The following CDH19 variants were observed in gnomAD, a reference collection of about 807,000 sequenced individuals.
CDH19 encodes the protein cadherin-19.
Under a neutral mutation model 64.2 loss-of-function variants are expected in CDH19, and 67 were observed. The ratio of observed to expected loss-of-function variants is 1.04; its 90% CI spans 0.86 to 1.28. CDH19 has a LOEUF of 1.28. Among genes scored for constraint, CDH19 ranks in the 50% most tolerant of loss-of-function variants. The probability of loss-of-function intolerance (pLI) is 0.00; values close to 1 mark genes in which losing one functional copy is unlikely to be tolerated. For synonymous variants in CDH19, 346 were observed against 319.3 expected (o/e 1.08, Z -0.89); for missense variants, 1,030 against 929.0 (o/e 1.11, Z -1.41).
intron 8 of CDH19, among the ~76,000 whole-genome samples, chr18:66,534,568 T>C (rs952628750): frequency 2.0e-5 from 3 of 152,016 alleles, no homozygotes; most frequent in Non-Finnish European, 4.4e-5. Context: ...ATATTTTATA[T>C]TGTGTTATAT....
intron 1 of CDH19, among the ~76,000 whole-genome samples, chr18:66,573,774 G>T (rs1988180907): frequency 6.6e-6 from 1 of 151,188 alleles, no homozygotes; most frequent in East Asian, 1.9e-4. Context: ...TGAACACCTG[G>T]ATATCATTAC....
At chr18:66,602,945 AAG>A (rs1989073357) in intron 1 of CDH19, among the ~76,000 whole-genome samples, 2 of 151,502 alleles carry the variant, frequency 1.3e-5, no homozygotes, top group African/African-American at 2.4e-5. Context: ...AATTTGAAAA[AAG>A]AATATATTAA....
At chr18:66,587,532 A>G (rs1988612693) in intron 1 of CDH19, among the ~76,000 whole-genome samples, 1 of 152,220 alleles carries the variant, frequency 6.6e-6, no homozygotes, top group African/African-American at 2.4e-5. Context: ...TGGTAGACAT[A>G]TAATTGTTTA....
chr18:66,596,110 T>C (rs1450583371), intron 1 of CDH19: 1 of 152,050 alleles, frequency 6.6e-6, no homozygotes, highest in Non-Finnish European at 1.5e-5. Flanking sequence ...TAACATTTAA[T>C]ATCTCTTCAT....
intron 9 of CDH19, among the ~76,000 whole-genome samples, chr18:66,512,534 T>C (rs930185299): frequency 2.6e-5 from 4 of 151,594 alleles, no homozygotes; most frequent in Non-Finnish European, 5.9e-5. Flanking sequence ...AGCCCAGATT[T>C]ATATTATACT....
rs578249886 is a variant in CDH19 at position 66,593,649 on chromosome 18, G to C, written c.-113+10305C>G. ...TATATTTTCTAATTTGTCACTGAAA[G>C]AGACCACAACATAAAGAATAATTCT... is the stretch of plus-strand genomic sequence containing the variant. On this transcript the variant is annotated intron_variant, in intron 1 of 11. Transcript: ENST00000262150. Among the ~76,000 whole-genome samples the C allele has an allele frequency of 6.8e-4, 103 of 152,198 alleles. No individual in the cohort carries two copies. The South Asian group carries it at 0.02, about 30-fold the overall frequency.
chr18:66,544,725 T>A lies in CDH19; in HGVS notation c.954A>T (p.Leu318Phe), dbSNP rs1041425776. 6.9e-6 allele frequency: 11 copies of A among 1,595,950 alleles called. No homozygotes were observed. The highest frequency in any genetic ancestry group is 5.1e-5 in the Admixed American group (3 of 58,536). ...NHETQEGIVI[L>F]KKKVDFEHQN... is the part of the protein sequence containing the mutation. ...ATAATTTTAACATGTCTACCTTTTT[T>A]AATATAACTATTCCTTCTTGAGTTT... The change falls in exon 6 of 12, where the codon TTA becomes TTT. Residue 318 changes from leucine (L) to phenylalanine (F), a missense_variant. Transcript: ENST00000262150.
At chr18:66,584,029 G>A (rs907096729) in intron 1 of CDH19, among the ~76,000 whole-genome samples, 5 of 152,016 alleles carry the variant, frequency 3.3e-5, no homozygotes, top group African/African-American at 1.2e-4. Context: ...AAGAATCCCT[G>A]CACAGCAAAA....
intron 3 of CDH19, among the ~76,000 whole-genome samples, chr18:66,560,840 T>G (rs1214998688): frequency 6.6e-6 from 1 of 152,076 alleles, no homozygotes; most frequent in South Asian, 2.1e-4. Flanking sequence ...TTTATTATGA[T>G]AGCATTAATA....
chr18:66,571,408 T>G (rs1477459840), intron 2 of CDH19, among the ~76,000 whole-genome samples: 2 of 151,710 alleles, frequency 1.3e-5, no homozygotes, highest in African/African-American at 2.4e-5. Flanking sequence ...GACATGATAT[T>G]GTAATCACCT....
intron 1 of CDH19, among the ~76,000 whole-genome samples, chr18:66,572,909 G>A (rs118016140): frequency 0.017 from 2,618 of 151,708 alleles, 35 homozygotes; most frequent in Non-Finnish European, 0.026. Flanking sequence ...TCAAAGATAT[G>A]GGGAAGAAGT....
intron 9 of CDH19, among the ~76,000 whole-genome samples, chr18:66,528,989 T>G (rs771910005): frequency 4.6e-5 from 7 of 151,990 alleles, no homozygotes; most frequent in Non-Finnish European, 8.8e-5. Context: ...TTAATAGTCT[T>G]CTGTGTGCTC....
intron 1 of CDH19, among the ~76,000 whole-genome samples, chr18:66,583,216 A>G (rs949760693): frequency 1.3e-5 from 2 of 152,124 alleles, no homozygotes; most frequent in Admixed American, 6.6e-5. Flanking sequence ...CATCAGACAT[A>G]TAAGCATTGA....
intron 1 of CDH19, among the ~76,000 whole-genome samples, chr18:66,598,775 G>T (rs866259584): frequency 6.6e-6 from 1 of 151,998 alleles, no homozygotes; most frequent in Non-Finnish European, 1.5e-5. Flanking sequence ...ACACTAAACC[G>T]CAGCAACATG....
At chr18:66,592,649 G>A (rs560808147) in intron 1 of CDH19, among the ~76,000 whole-genome samples, 1 of 151,778 alleles carries the variant, frequency 6.6e-6, no homozygotes, top group African/African-American at 2.4e-5. Context: ...TTATCTTTCT[G>A]TGCCTGACCT....
intron 9 of CDH19, among the ~76,000 whole-genome samples, chr18:66,520,801 G>C (rs1169788587): frequency 6.6e-6 from 1 of 151,896 alleles, no homozygotes; most frequent in Non-Finnish European, 1.5e-5. Context: ...TGATAACCTT[G>C]ATGTTAAAAT....
chr18:66,535,285 T>C (rs867577013), intron 7 of CDH19, among the ~76,000 whole-genome samples, 178 bp from the exon 8 acceptor site: 6 of 151,706 alleles, frequency 4.0e-5, no homozygotes, highest in Admixed American at 2.0e-4. Context: ...TCAGTGGAGA[T>C]AGAAAAAAAG....
Position 66,578,715 on chromosome 18 carries a change from G to A in CDH19, c.-112-6399C>T, listed in dbSNP as rs1599031321. 3.3e-5 allele frequency among the ~76,000 whole-genome samples: 5 copies of A among 151,716 alleles called. No homozygotes were observed. The Admixed American group carries it at 3.3e-4, about 10-fold the overall frequency. On this transcript the variant is annotated intron_variant, in intron 1 of 11. Coordinates refer to ENST00000262150, the MANE Select transcript of CDH19 (RefSeq NM_021153.4). ...GATGCTTACATGAATATCAGAGCAGGTTTATTTGTAACAGAAAGAAACTGG... is the reference window on the plus strand; with the variant it reads ...GATGCTTACATGAATATCAGAGCAGATTTATTTGTAACAGAAAGAAACTGG...
chr18:66,570,260 T>C (rs1008046103), intron 2 of CDH19, among the ~76,000 whole-genome samples: 2 of 151,642 alleles, frequency 1.3e-5, no homozygotes, highest in African/African-American at 4.8e-5. Context: ...ATGTGCAGTG[T>C]AATTTTCAAA....
Sources: gnomAD v4.1 joint callset for allele counts (sites outside exome capture counted in the v4.1 genomes callset) on GRCh38, gnomAD v4.1.1 for gene constraint, MANE v1.5 for transcripts, NCBI Gene and HGNC (gene_info 2026-07-23, HGNC 2026-07-21) for gene names.